The following APBA2 variants were observed in gnomAD, a reference collection of about 807,000 sequenced individuals.
The protein encoded by APBA2 is amyloid-beta A4 precursor protein-binding family A member 2.
Under a neutral mutation model 75.0 loss-of-function variants are expected in APBA2, and 30 were observed. That is an observed-to-expected ratio of 0.40 (90% CI 0.30 to 0.54). The LOEUF is 0.54. APBA2 is among the 20% of genes least tolerant of loss of function. APBA2 has a pLI of 0.49. For missense variants in APBA2, 801 were observed against 1,016.1 expected, an observed-to-expected ratio of 0.79 and a Z score of 2.88; for synonymous variants, 444 against 409.6, an observed-to-expected ratio of 1.08 and a Z score of -1.01.
intron 14 of APBA2, 57 bp downstream of exon 14, chr15:29,114,073 C>T (rs775742508): frequency 2.5e-6 from 4 of 1,611,752 alleles, no homozygotes; most frequent in South Asian, 1.1e-5. Context: ...CTCCCGCCTG[C>T]CCTCCATGAG....
At chr15:29,056,596 C>T (rs1595854897) in intron 4 of APBA2, among the ~76,000 whole-genome samples, 1 of 824 alleles carries the variant, frequency 1.2e-3, no homozygotes, top group African/African-American at 4.3e-3. Context: ...CTCCCTCCCT[C>T]CCTCCCTCCC....
chr15:29,000,217 G>A (rs779986353), intron 3 of APBA2, among the ~76,000 whole-genome samples: 37 of 152,194 alleles, frequency 2.4e-4, no homozygotes, highest in Non-Finnish European at 4.8e-4. Context: ...ACCATCACAA[G>A]TGGGTCACAA....
At chr15:28,904,042 C>T (rs2033011929) in intron 1 of APBA2, among the ~76,000 whole-genome samples, 1 of 152,208 alleles carries the variant, frequency 6.6e-6, no homozygotes, top group Non-Finnish European at 1.5e-5. Flanking sequence ...TATGCCTCAA[C>T]TCAGCAGTTT....
rs186693454 is a variant in APBA2 at position 28,986,655 on chromosome 15, C to T, written c.-94-9098C>T. ...CTAATTTTTGTATTTTTAGTAGAGACGGGGTTTCACCATGTTGGCCAGGCT... is the reference window on the plus strand; with the variant it reads ...CTAATTTTTGTATTTTTAGTAGAGATGGGGTTTCACCATGTTGGCCAGGCT... On this transcript the variant is annotated intron_variant, in intron 2 of 14. Coordinates refer to ENST00000683413, the MANE Select transcript of APBA2 (RefSeq NM_001353788.2). 1.0e-3 allele frequency among the ~76,000 whole-genome samples: 159 copies of T among 152,098 alleles called. 3 individuals are homozygous for T. The East Asian group carries it at 0.026, about 25-fold the overall frequency.
intron 2 of APBA2, among the ~76,000 whole-genome samples, chr15:28,985,488 T>C (rs1359950374): frequency 5.3e-5 from 8 of 152,168 alleles, no homozygotes; most frequent in African/African-American, 1.7e-4. Flanking sequence ...AAGGAAAGCA[T>C]GCGTGGGATG....
intron 2 of APBA2, among the ~76,000 whole-genome samples, chr15:28,938,370 CT>C (rs1305373798): frequency 1.3e-5 from 2 of 152,190 alleles, no homozygotes; most frequent in Non-Finnish European, 2.9e-5. Context: ...GGAAGTGTGT[CT>C]GCTGAATGAG....
At chr15:29,075,218 G>A (rs868822198) in intron 5 of APBA2, among the ~76,000 whole-genome samples, 8 of 152,262 alleles carry the variant, frequency 5.3e-5, no homozygotes, top group African/African-American at 1.7e-4. Context: ...CCTCCCTGAT[G>A]TTAGGACCAT....
chr15:29,007,667 C>T (rs1459457677), intron 3 of APBA2, among the ~76,000 whole-genome samples: 2 of 152,140 alleles, frequency 1.3e-5, no homozygotes, highest in Non-Finnish European at 2.9e-5. Flanking sequence ...AAGTCGAAAT[C>T]ACAAGATACC....
rs202208854 is a variant in APBA2, at chr15:29,101,677, C to A, written c.1417C>A (p.Arg473Ser). Residue 473 changes from arginine (R) to serine (S), a missense_variant, in exon 10 of 15, where the codon CGC becomes AGC. Coordinates refer to ENST00000683413, the MANE Select transcript of APBA2 (RefSeq NM_001353788.2). Reference protein sequence around the residue: ...IGNIVVLMARRRMPRSASQDC... With the variant: ...IGNIVVLMARSRMPRSASQDC... ...GAACATTGTAGTGCTGATGGCCAGACGCCGCATGCCCCGGTCAGCCTCTCA... is the reference window on the plus strand; with the variant it reads ...GAACATTGTAGTGCTGATGGCCAGAAGCCGCATGCCCCGGTCAGCCTCTCA... The A allele has an allele frequency of 9.9e-6, 16 of 1,613,590 alleles. No individual in the cohort carries two copies. The Admixed American group carries it at 1.2e-4, about 12-fold the overall frequency.
intron 3 of APBA2, among the ~76,000 whole-genome samples, chr15:29,019,956 C>T (rs1595744421): frequency 6.6e-6 from 1 of 152,222 alleles, no homozygotes; most frequent in African/African-American, 2.4e-5. Context: ...CAGTTCCCGA[C>T]ATTATAACTT....
intron 2 of APBA2, among the ~76,000 whole-genome samples, chr15:28,981,854 A>G (rs1466632355): frequency 2.0e-5 from 3 of 152,234 alleles, no homozygotes; most frequent in Non-Finnish European, 4.4e-5. Context: ...TGTCCTTTAC[A>G]GCAACATAGA....
intron 2 of APBA2, among the ~76,000 whole-genome samples, chr15:28,939,089 A>G (rs1227162337): frequency 6.6e-6 from 1 of 152,046 alleles, no homozygotes; most frequent in African/African-American, 2.4e-5. Flanking sequence ...TAGGTACCTC[A>G]TGTAAGTGGA....
At chr15:29,008,672 G>T (rs1021665777) in intron 3 of APBA2, among the ~76,000 whole-genome samples, 40 of 152,100 alleles carry the variant, frequency 2.6e-4, no homozygotes, top group African/African-American at 8.9e-4. Context: ...TCATATCACT[G>T]CATTCCAGCC....
At chr15:28,898,049 C>A (rs1004592679) in intron 1 of APBA2, among the ~76,000 whole-genome samples, 1 of 152,114 alleles carries the variant, frequency 6.6e-6, no homozygotes, top group Non-Finnish European at 1.5e-5. Context: ...GCGGCCACAG[C>A]TCAGGGAGCA....
chr15:28,942,839 G>A (rs894785728), intron 2 of APBA2, among the ~76,000 whole-genome samples: 2 of 152,216 alleles, frequency 1.3e-5, no homozygotes, highest in Non-Finnish European at 2.9e-5. Context: ...GAAGGCTGGC[G>A]TGGGGCTTCT....
chr15:28,921,650 A>G lies in APBA2; in HGVS notation c.-194A>G, dbSNP rs1258240683. The stretch of plus-strand genomic sequence containing the variant: ...TCTTTTTCTTTACAGTCTCCTGAAT[A>G]TTTACGCGTTGCTGAATCTCCTGTG... On this transcript the variant is annotated 5_prime_UTR_variant, in exon 2 of 15. The change creates a new upstream start codon in the 5' untranslated region. Coordinates refer to ENST00000683413, the MANE Select transcript of APBA2 (RefSeq NM_001353788.2). The G allele has an allele frequency of 6.6e-6, 1 of 152,146 alleles. No homozygotes were observed. The highest frequency in any genetic ancestry group is 2.4e-5 in the African/African-American group (1 of 41,414). 9.4% of individuals were successfully genotyped at this position (152,146 alleles called of 1,614,324 possible). A position where few individuals can be genotyped will look rare whatever the true frequency, so the allele number is the denominator to read the frequency against.
chr15:29,093,317 G>T, intron 7 of APBA2, 97 bp downstream of exon 7: 2 of 1,515,718 alleles, frequency 1.3e-6, no homozygotes, highest in Non-Finnish European at 1.8e-6. Context: ...TTCCAGCTCG[G>T]ACTGCACAGC....
chr15:28,929,945 C>T (rs997547077), intron 2 of APBA2, among the ~76,000 whole-genome samples: 5 of 109,412 alleles, frequency 4.6e-5, no homozygotes, highest in African/African-American at 1.8e-4. Flanking sequence ...ATCTGCCACC[C>T]ACCTACTAAA....
intron 1 of APBA2, among the ~76,000 whole-genome samples, chr15:28,895,097 A>G (rs2032390023): frequency 6.6e-6 from 1 of 152,230 alleles, no homozygotes; most frequent in African/African-American, 2.4e-5. Flanking sequence ...TTTCTAAAAG[A>G]ACGACAAAAT....
Sources: allele counts gnomAD v4.1 joint callset (sites outside exome capture counted in the v4.1 genomes callset), GRCh38; gene constraint gnomAD v4.1.1; transcripts MANE v1.5; gene names NCBI Gene and HGNC (gene_info 2026-07-23, HGNC 2026-07-21).